PPM1H: variants seen among roughly 807,000 people sequenced by gnomAD.
The protein encoded by PPM1H is protein phosphatase, Mg2+/Mn2+ dependent 1H, also known as protein phosphatase 1H.
Under a neutral mutation model 54.9 loss-of-function variants are expected in PPM1H, and 27 were observed. That is an observed-to-expected ratio of 0.49 (90% CI 0.36 to 0.68). The LOEUF is 0.68. PPM1H is among the 30% of genes least tolerant of loss of function. The pLI, the probability that PPM1H is intolerant of heterozygous loss-of-function variation, is 0.00. For synonymous variants in PPM1H, 305 were observed against 270.8 expected, an observed-to-expected ratio of 1.13 and a Z score of -1.24; for missense variants, 596 against 667.8, an observed-to-expected ratio of 0.89 and a Z score of 1.19.
intron 1 of PPM1H, among the ~76,000 whole-genome samples, chr12:62,884,149 C>A (rs1020574263): frequency 1.3e-5 from 2 of 151,064 alleles, no homozygotes; most frequent in African/African-American, 4.9e-5. Flanking sequence ...GAGATGAAAT[C>A]TCTTACAGAT....
intron 1 of PPM1H, among the ~76,000 whole-genome samples, chr12:62,913,073 T>C (rs772565): frequency 0.33 from 49,959 of 152,030 alleles, 9,825 homozygotes; most frequent in Non-Finnish European, 0.45. Context: ...CATGGAGAGC[T>C]TAAGGGAGAA....
chr12:62,808,703 TC>T (rs929314064), intron 2 of PPM1H, among the ~76,000 whole-genome samples: 2 of 152,096 alleles, frequency 1.3e-5, no homozygotes, highest in Non-Finnish European at 2.9e-5. Flanking sequence ...CTTTCAGTAC[TC>T]AGCTTAAATA....
Position 62,934,602 on chromosome 12 carries a change from C to G in PPM1H, c.135G>C (p.Glu45Asp). The G allele has an allele frequency of 6.3e-7, 1 of 1,576,356 alleles. No individual in the cohort carries two copies. Among genetic ancestry groups the G allele is most frequent in the Non-Finnish European group, 8.6e-7 (1 of 1,162,074 alleles). The change falls in exon 1 of 10, where the codon GAG becomes GAC. Residue 45 changes from glutamate (E) to aspartate (D), a missense_variant. Physicochemically the swap from Glu to Asp is conservative, Grantham distance 45 (BLOSUM62 2). Around this residue, in one of 3 missense-constraint regions of PPM1H, gnomAD observed 382 missense variants for 387.1 expected, o/e 0.99. Coordinates refer to ENST00000228705, the MANE Select transcript of PPM1H (RefSeq NM_020700.2). The surrounding 1 kb of genome is among the most constrained non-coding windows in gnomAD (Gnocchi z 4.2). ...LPLRFPYGRP[E>D]FLGLSQDEVE... ...CCTCGTCCTGAGACAGCCCCAGGAA[C>G]TCTGGCCGCCCGTAGGGGAAACGCA...
chr12:62,807,602 A>G (rs1327054374), intron 2 of PPM1H, among the ~76,000 whole-genome samples: 3 of 145,120 alleles, frequency 2.1e-5, no homozygotes, highest in Non-Finnish European at 4.5e-5. Context: ...TAACATTTCT[A>G]TGCCATGGTT....
intron 1 of PPM1H, among the ~76,000 whole-genome samples, chr12:62,922,751 T>C (rs186443992): frequency 6.6e-6 from 1 of 152,336 alleles, no homozygotes; most frequent in Non-Finnish European, 1.5e-5. Context: ...TACTCTGCTT[T>C]CCCTAAGCTG....
chr12:62,840,723 G>C (rs1868713577), intron 1 of PPM1H, among the ~76,000 whole-genome samples: 1 of 152,154 alleles, frequency 6.6e-6, no homozygotes. Context: ...GCTTGGTGAG[G>C]GAGCTACATC....
chr12:62,914,806 C>T (rs1020610757), intron 1 of PPM1H, among the ~76,000 whole-genome samples: 1 of 152,198 alleles, frequency 6.6e-6, no homozygotes, highest in Admixed American at 6.5e-5. Flanking sequence ...GTAAGCCTCC[C>T]ATGTGCCCAC....
intron 3 of PPM1H, among the ~76,000 whole-genome samples, chr12:62,789,220 G>T (rs1226577318): frequency 6.6e-6 from 1 of 152,054 alleles, no homozygotes; most frequent in African/African-American, 2.4e-5. Context: ...TCACTATGTT[G>T]CCCAGGCTGG....
intron 9 of PPM1H, among the ~76,000 whole-genome samples, chr12:62,662,647 G>A (rs2075891337): frequency 6.6e-6 from 1 of 152,132 alleles, no homozygotes; most frequent in Non-Finnish European, 1.5e-5. Flanking sequence ...AATCTAGAAG[G>A]GGAAGAGCCA....
chr12:62,773,711 G>A (rs2076592234), intron 4 of PPM1H, among the ~76,000 whole-genome samples: 1 of 152,112 alleles, frequency 6.6e-6, no homozygotes. Flanking sequence ...GCAGCCTGCT[G>A]ACTGGGACCT....
rs1196399093 is a variant in PPM1H at position 62,743,878 on chromosome 12, AAAC to A, written c.870-6295_870-6293del. On this transcript the variant is annotated intron_variant, in intron 4 of 9. Transcript: ENST00000228705. Reference sequence around the variant, plus strand: ...CTCATTAGGTTGGGAAACATTAAAAAAACAACAATATATAGTTTTCATAGAGTA... The same window carrying A: ...CTCATTAGGTTGGGAAACATTAAAAAAACAATATATAGTTTTCATAGAGTA... Among the ~76,000 whole-genome samples the A allele has an allele frequency of 4.6e-5, 7 of 152,240 alleles. No individual in the cohort carries two copies. The South Asian group carries it at 6.2e-4, about 13-fold the overall frequency.
chr12:62,879,604 G>A (rs1296143878), intron 1 of PPM1H, among the ~76,000 whole-genome samples: 1 of 152,102 alleles, frequency 6.6e-6, no homozygotes, highest in Non-Finnish European at 1.5e-5. Flanking sequence ...CCACACTGGG[G>A]CCTGTTGGGG....
intron 1 of PPM1H, among the ~76,000 whole-genome samples, chr12:62,883,213 A>G (rs1870459039): frequency 6.6e-6 from 1 of 152,072 alleles, no homozygotes; most frequent in African/African-American, 2.4e-5. Context: ...CATACAAGGG[A>G]TGGGGAGAAG....
chr12:62,838,398 C>T (rs1868579680), intron 1 of PPM1H, among the ~76,000 whole-genome samples: 2 of 151,290 alleles, frequency 1.3e-5, no homozygotes, highest in African/African-American at 2.4e-5. Context: ...TATGAAAATT[C>T]TCTTTTCCAG....
intron 4 of PPM1H, among the ~76,000 whole-genome samples, chr12:62,742,366 C>CT (rs1409736881): frequency 6.6e-6 from 1 of 152,200 alleles, no homozygotes; most frequent in Non-Finnish European, 1.5e-5. Context: ...ATGCCTCTTC[C>CT]TATGTGATCC....
At chr12:62,679,758 A>G (rs1273515173) in intron 8 of PPM1H, among the ~76,000 whole-genome samples, 2 of 152,158 alleles carry the variant, frequency 1.3e-5, no homozygotes, top group Non-Finnish European at 2.9e-5. Context: ...TTCCGGCAAC[A>G]ATCAGAACTC....
chr12:62,868,797 G>A (rs372182219), intron 1 of PPM1H, among the ~76,000 whole-genome samples: 3 of 152,304 alleles, frequency 2.0e-5, no homozygotes, highest in South Asian at 2.1e-4. Flanking sequence ...CAAACACTAC[G>A]CACAGGGCTG....
chr12:62,787,102 A>T (rs1208608210), intron 4 of PPM1H, among the ~76,000 whole-genome samples: 1 of 152,184 alleles, frequency 6.6e-6, no homozygotes, highest in Non-Finnish European at 1.5e-5. Context: ...AGGCTGCCTC[A>T]GCCTAAGTCT....
chr12:62,840,286 C>G (rs78514094), intron 1 of PPM1H: 3 of 152,110 alleles, frequency 2.0e-5, no homozygotes, highest in African/African-American at 7.2e-5. Context: ...TCTCTGGGGC[C>G]TCTTTTCTAA....
Sources: gnomAD v4.1 joint callset for allele counts (sites outside exome capture counted in the v4.1 genomes callset) on GRCh38, gnomAD v4.1.1 for gene constraint, gnomAD v4.1.1 regional missense constraint, Gnocchi (gnomAD v3.1) non-coding constraint, MANE v1.5 for transcripts, NCBI Gene and HGNC (gene_info 2026-07-23, HGNC 2026-07-21) for gene names.